ATP6V0E1: variants seen among roughly 807,000 people sequenced by gnomAD.
The protein encoded by ATP6V0E1 is V-type proton ATPase subunit e 1.
In ATP6V0E1, 4 loss-of-function variants were observed where a neutral mutation model predicts 11.6. The observed-to-expected ratio is 0.35, with a 90% confidence interval of 0.17 to 0.79. The LOEUF (loss-of-function observed/expected upper bound fraction) is 0.79, where lower values mean the gene tolerates loss of function less well. Ranked by LOEUF, ATP6V0E1 falls within the 30% of genes least tolerant of loss-of-function variation. The probability of loss-of-function intolerance (pLI) is 0.54; values close to 1 mark genes in which losing one functional copy is unlikely to be tolerated. For missense variants in ATP6V0E1, 105 were observed against 100.0 expected (o/e 1.05, Z -0.21); for synonymous variants, 36 against 34.8 (o/e 1.04, Z -0.13).
chr5:173,032,215 C>T (rs1362687917), intron 3 of ATP6V0E1, among the ~76,000 whole-genome samples: 2 of 145,912 alleles, frequency 1.4e-5, no homozygotes, highest in African/African-American at 5.1e-5. Context: ...CATGCCTTTG[C>T]CATGTAACAT....
chr5:172,991,405 C>T (rs531612954), intron 1 of ATP6V0E1, among the ~76,000 whole-genome samples: 1 of 152,116 alleles, frequency 6.6e-6, no homozygotes, highest in Non-Finnish European at 1.5e-5. Flanking sequence ...ACAAAGGAGC[C>T]TCAGCTCTTT....
At chr5:173,005,160 G>A (rs370266854) in intron 2 of ATP6V0E1, among the ~76,000 whole-genome samples, 94 of 140,730 alleles carry the variant, frequency 6.7e-4, no homozygotes, top group African/African-American at 1.9e-3. Context: ...CAGTTTCTAC[G>A]AAAAAAAAAA....
At chr5:172,996,574 A>AATAC (rs534005934) in intron 2 of ATP6V0E1, among the ~76,000 whole-genome samples, 215 of 151,802 alleles carry the variant, frequency 1.4e-3, no homozygotes, top group African/African-American at 3.0e-3. Context: ...AAAAAAAAAA[A>AATAC]ATACATACAT....
At chr5:173,000,701 ATTT>A (rs34202828) in intron 2 of ATP6V0E1, among the ~76,000 whole-genome samples, 3 of 139,946 alleles carry the variant, frequency 2.1e-5, no homozygotes, top group Admixed American at 7.2e-5. Flanking sequence ...ATTATCAGTG[ATTT>A]TTTTTTTTTT....
chr5:173,034,458 T>C lies in ATP6V0E1; in HGVS notation c.*96T>C. 1 of 702,950 alleles carries C rather than the reference T, an allele frequency of 1.4e-6. No individual in the cohort carries two copies. 43.5% of individuals were successfully genotyped at this position (702,950 alleles called of 1,614,324 possible). On this transcript the variant is annotated 3_prime_UTR_variant, in exon 4 of 4. Coordinates refer to ENST00000519374, the MANE Select transcript of ATP6V0E1 (RefSeq NM_003945.4). ...CACCTCCAAACCAGACCACTTTTCT[T>C]GACTTGCCTGTTTTGGCCATTAGCT...
chr5:173,011,793 C>T (rs1477491248), intron 2 of ATP6V0E1, among the ~76,000 whole-genome samples: 1 of 152,070 alleles, frequency 6.6e-6, no homozygotes, highest in Non-Finnish European at 1.5e-5. Flanking sequence ...ATGAAAGGTA[C>T]ATTTAGTTCC....
intron 1 of ATP6V0E1, among the ~76,000 whole-genome samples, chr5:172,984,455 A>G (rs375353250): frequency 3.4e-4 from 52 of 152,108 alleles, no homozygotes; most frequent in African/African-American, 9.4e-4. Context: ...CAGGCCTTGC[A>G]TCTAGTGGGC....
At chr5:173,010,148 T>C (rs1756297204) in intron 2 of ATP6V0E1, among the ~76,000 whole-genome samples, 1 of 152,194 alleles carries the variant, frequency 6.6e-6, no homozygotes, top group Non-Finnish European at 1.5e-5. Context: ...CTGAGTTTTA[T>C]ACAGAGTGTG....
rs369000216 is a variant in ATP6V0E1, at chr5:173,016,171, C to T, written c.153-4067C>T. Among the ~76,000 whole-genome samples, 9 of 152,296 alleles carry T rather than the reference C, an allele frequency of 5.9e-5. No homozygotes were observed. In the South Asian group the frequency reaches 1.7e-3, roughly 28 times the overall value. On this transcript the variant is annotated intron_variant, in intron 2 of 3. Transcript: ENST00000519374. ...CACAGGTAGAACAACCTGGGGCTTG[C>T]GATTGGCATCAGAAGTGAGGGGCGG...
intron 1 of ATP6V0E1, among the ~76,000 whole-genome samples, chr5:172,988,319 G>T (rs1336019844): frequency 6.6e-6 from 1 of 152,116 alleles, no homozygotes; most frequent in Non-Finnish European, 1.5e-5. Context: ...TCCTGCTCTT[G>T]GTTGGATTGA....
chr5:173,002,337 G>A (rs572927868), intron 2 of ATP6V0E1, among the ~76,000 whole-genome samples: 14 of 152,290 alleles, frequency 9.2e-5, no homozygotes, highest in Non-Finnish European at 1.9e-4. Flanking sequence ...AAGACCACAC[G>A]TAGCAATTGG....
chr5:173,021,861 C>A (rs1418668855), intron 3 of ATP6V0E1, among the ~76,000 whole-genome samples: 1 of 151,998 alleles, frequency 6.6e-6, no homozygotes, highest in East Asian at 1.9e-4. Flanking sequence ...ACGGTGAAAC[C>A]CATCTCTACT....
intron 3 of ATP6V0E1, among the ~76,000 whole-genome samples, chr5:173,028,607 A>T (rs1213566207): frequency 6.6e-6 from 1 of 152,252 alleles, no homozygotes; most frequent in African/African-American, 2.4e-5. Context: ...CGTTAAATAC[A>T]TAGCCGATCT....
At chr5:173,007,700 G>A (rs1756247870) in intron 2 of ATP6V0E1, among the ~76,000 whole-genome samples, 1 of 152,168 alleles carries the variant, frequency 6.6e-6, no homozygotes, top group African/African-American at 2.4e-5. Flanking sequence ...CTGAGGGAGA[G>A]TAACCAAAGA....
At chr5:172,992,725 T>G (rs180731264) in intron 1 of ATP6V0E1, among the ~76,000 whole-genome samples, 1 of 152,318 alleles carries the variant, frequency 6.6e-6, no homozygotes, top group African/African-American at 2.4e-5. Flanking sequence ...TGTTGTTTGT[T>G]GTGTGTTCAT....
At position 172,990,784 on chromosome 5, in the gene ATP6V0E1, G is replaced by A. The variant is rs1456682181; in HGVS notation, c.105-3991G>A. On this transcript the variant is annotated intron_variant, in intron 1 of 3. Coordinates refer to ENST00000519374, the MANE Select transcript of ATP6V0E1 (RefSeq NM_003945.4). Reference sequence around the variant, plus strand: ...AGAGGTTGCAGTGAGTTGAGATTGCGCCACTGCACTCCAGCCTGGACGACA... The same window carrying A: ...AGAGGTTGCAGTGAGTTGAGATTGCACCACTGCACTCCAGCCTGGACGACA... Among the ~76,000 whole-genome samples the A allele has an allele frequency of 5.3e-5, 8 of 150,678 alleles. No individual in the cohort carries two copies. In the East Asian group the frequency reaches 7.8e-4, roughly 15 times the overall value.
At chr5:173,014,527 A>G (rs1258506877) in intron 2 of ATP6V0E1, among the ~76,000 whole-genome samples, 1 of 152,164 alleles carries the variant, frequency 6.6e-6, no homozygotes, top group African/African-American at 2.4e-5. Flanking sequence ...ACTACGGAAT[A>G]GTATTCAGCC....
At position 173,034,639 on chromosome 5, in the gene ATP6V0E1, GTTC is replaced by G; in HGVS notation, c.*282_*284del. 1 of 557,422 alleles carries G rather than the reference GTTC, an allele frequency of 1.8e-6. No homozygotes were observed. Among genetic ancestry groups the G allele is most frequent in the East Asian group, 2.9e-5 (1 of 34,848 alleles). The allele number at this position is 557,422 out of a possible 1,614,324, so 34.5% of individuals were successfully genotyped here. On this transcript the variant is annotated 3_prime_UTR_variant, in exon 4 of 4. Transcript: ENST00000519374. ...GTACTCTTCTGAGATAGAAGATGCT[GTTC>G]TTCTGAGAGATACGTTACTCTCTCC...
At chr5:173,003,281 G>A (rs879283788) in intron 2 of ATP6V0E1, among the ~76,000 whole-genome samples, 2 of 152,128 alleles carry the variant, frequency 1.3e-5, no homozygotes, top group Admixed American at 6.5e-5. Flanking sequence ...AAGGGGCTGT[G>A]AGGGGAGTGA....
Sources: allele counts gnomAD v4.1 joint callset (sites outside exome capture counted in the v4.1 genomes callset), GRCh38; gene constraint gnomAD v4.1.1; transcripts MANE v1.5; gene names NCBI Gene and HGNC (gene_info 2026-07-23, HGNC 2026-07-21).